ADCY10: variants seen among roughly 807,000 people sequenced by gnomAD.
The protein encoded by ADCY10 is adenylate cyclase 10, also known as adenylate cyclase type 10.
In ADCY10, 156 loss-of-function variants were observed where a neutral mutation model predicts 183.3. That is an observed-to-expected ratio of 0.85 (90% confidence interval 0.75 to 0.97). ADCY10 has a LOEUF of 0.97. Ranked by LOEUF, ADCY10 falls within the 50% of genes least tolerant of loss-of-function variation. The pLI is 0.00. For missense variants in ADCY10, 1,745 were observed against 1,934.3 expected (o/e 0.90, Z 1.84); for synonymous variants, 645 against 670.0 (o/e 0.96, Z 0.58).
intron 7 of ADCY10, among the ~76,000 whole-genome samples, chr1:167,895,000 TG>T (rs1395110125): frequency 6.6e-6 from 1 of 151,962 alleles, no homozygotes; most frequent in African/African-American, 2.4e-5. Flanking sequence ...CTGGCCAACA[TG>T]GGAAACCCTG....
intron 31 of ADCY10, among the ~76,000 whole-genome samples, chr1:167,815,493 G>T (rs1662478939): frequency 6.6e-6 from 1 of 152,138 alleles, no homozygotes. Context: ...GAAGTTCTTA[G>T]TCCAGAGGAA....
At chr1:167,903,821 T>C (rs1162193090) in intron 3 of ADCY10, 66 bp downstream of exon 3, 7 of 1,199,830 alleles carry the variant, frequency 5.8e-6, no homozygotes, top group African/African-American at 3.0e-5. Context: ...CAGGTTATAA[T>C]TGACAACTAC....
chr1:167,864,840 A>T (rs1354071321), intron 14 of ADCY10, among the ~76,000 whole-genome samples: 1 of 151,102 alleles, frequency 6.6e-6, no homozygotes, highest in East Asian at 1.9e-4. Flanking sequence ...TAACCCAGTA[A>T]CCCACGGATG....
At chr1:167,913,525 G>T (rs140335172) in intron 1 of ADCY10, among the ~76,000 whole-genome samples, 507 of 152,242 alleles carry the variant, frequency 3.3e-3, no homozygotes, top group Non-Finnish European at 5.6e-3. Context: ...ACACTTAAGT[G>T]GCTTATTTCC....
Position 167,901,649 on chromosome 1 carries a change from C to T in ADCY10, c.436+13G>A, listed in dbSNP as rs902621115. 1.9e-6 allele frequency: 3 copies of T among 1,613,796 alleles called. No homozygotes were observed. In the African/African-American group the frequency reaches 4.0e-5, roughly 22 times the overall value. ...CCAGCTGCCGTAGGATTTATTCCTT[C>T]TCAAATGCTTACCTATCTTGACTCG... On this transcript the variant is annotated intron_variant, in intron 5 of 32. Transcript: ENST00000367851.
chr1:167,883,070 C>T (rs140086667), intron 9 of ADCY10, among the ~76,000 whole-genome samples: 22 of 152,370 alleles, frequency 1.4e-4, no homozygotes, highest in Admixed American at 4.6e-4. Context: ...CGGAGTCTCA[C>T]GCTATAGCCC....
intron 3 of ADCY10, among the ~76,000 whole-genome samples, chr1:167,902,530 T>C (rs1466579344): frequency 6.6e-6 from 1 of 152,250 alleles, no homozygotes; most frequent in African/African-American, 2.4e-5. Flanking sequence ...ATTTTGTTTA[T>C]TTAGACGGTA....
chr1:167,824,314 CTCTG>C (rs1663116930), intron 28 of ADCY10, among the ~76,000 whole-genome samples, 158 bp downstream of exon 28: 1 of 152,142 alleles, frequency 6.6e-6, no homozygotes, highest in Non-Finnish European at 1.5e-5. Flanking sequence ...CAGAGCAAGA[CTCTG>C]TCTGAAAAAA....
chr1:167,899,613 T>C lies in ADCY10; in HGVS notation c.452A>G (p.His151Arg), dbSNP rs1669251961. The change falls in exon 6 of 33, where the codon CAC becomes CGC. Residue 151 changes from histidine (H) to arginine (R), a missense_variant. Coordinates refer to ENST00000367851, the MANE Select transcript of ADCY10 (RefSeq NM_018417.6). ...ATCTCCAAAGACCAACATGCTGATG[T>C]GGCCAGCAGCCAGTCCTGGCAAGAA... ...IRVKIGLAAG[H>R]ISMLVFGDET... 7 of 1,613,948 alleles carry C rather than the reference T, an allele frequency of 4.3e-6. No individual in the cohort carries two copies. The highest frequency in any genetic ancestry group is 3.4e-6 in the Non-Finnish European group (4 of 1,180,034).
intron 13 of ADCY10, among the ~76,000 whole-genome samples, chr1:167,870,774 A>G (rs1357218863): frequency 6.7e-6 from 1 of 149,948 alleles, no homozygotes; most frequent in Non-Finnish European, 1.5e-5. Flanking sequence ...CTGCCATTGC[A>G]CTCCAGCCTG....
At chr1:167,847,106 T>A (rs1002301767) in intron 19 of ADCY10, among the ~76,000 whole-genome samples, 1 of 151,962 alleles carries the variant, frequency 6.6e-6, no homozygotes, top group African/African-American at 2.4e-5. Flanking sequence ...TTTGTGTTTG[T>A]AGGAGAGATG....
chr1:167,854,221 T>A, intron 18 of ADCY10, 132 bp downstream of exon 18: 3 of 1,118,586 alleles, frequency 2.7e-6, no homozygotes, highest in Non-Finnish European at 2.7e-6. Flanking sequence ...GATCCAATAA[T>A]TCCTGGCTCC....
rs1202793257 is a variant in ADCY10, at chr1:167,836,327, G to A, written c.3291C>T (p.Ile1097=). 1.2e-6 allele frequency: 2 copies of A among 1,611,538 alleles called. No homozygotes were observed. The highest frequency in any genetic ancestry group is 1.7e-4 in the Middle Eastern group (1 of 6,058). Residue 1097 remains isoleucine, a synonymous_variant, in exon 23 of 33, where the codon ATC becomes ATT. Transcript: ENST00000367851. ...AGCTTACCATGTAGTTATCACAAAAGATGAGATAAGCAGATGCAATTTCTA... is the reference window on the plus strand; with the variant it reads ...AGCTTACCATGTAGTTATCACAAAAAATGAGATAAGCAGATGCAATTTCTA... ...YFLEIASAYL[I]FCDNYMAYMY... is the part of the protein sequence containing the mutation.
intron 6 of ADCY10, among the ~76,000 whole-genome samples, chr1:167,897,042 T>A (rs1451872617): frequency 6.6e-6 from 1 of 152,046 alleles, no homozygotes; most frequent in Non-Finnish European, 1.5e-5. Context: ...TTCTTCCTTA[T>A]AAGTGTTAAA....
At chr1:167,861,795 G>A (rs565574179) in intron 14 of ADCY10, among the ~76,000 whole-genome samples, 7 of 152,200 alleles carry the variant, frequency 4.6e-5, no homozygotes, top group Admixed American at 1.3e-4. Context: ...TGCAACCCCC[G>A]AGTGTCAGGG....
intron 1 of ADCY10, among the ~76,000 whole-genome samples, chr1:167,912,442 T>A (rs1221716640): frequency 6.6e-6 from 1 of 152,224 alleles, no homozygotes; most frequent in Non-Finnish European, 1.5e-5. Flanking sequence ...TAGAACATCA[T>A]GGCACCCTGC....
intron 30 of ADCY10, chr1:167,820,060 T>C (rs1044070634): frequency 6.4e-7 from 1 of 1,573,790 alleles, no homozygotes; most frequent in Non-Finnish European, 8.7e-7. Flanking sequence ...GCCTCTTTCG[T>C]TACTCATCCT....
chr1:167,840,119 C>A (rs1442701893), intron 21 of ADCY10, among the ~76,000 whole-genome samples: 1 of 151,562 alleles, frequency 6.6e-6, no homozygotes, highest in Non-Finnish European at 1.5e-5. Context: ...GTAGTCCCAC[C>A]TACTTGGGAG....
Position 167,903,911 on chromosome 1 carries a change from A to G in ADCY10, c.229T>C (p.Tyr77His), listed in dbSNP as rs148603197. ...GAEQLVEILN[Y>H]HISAIVEKVL... ...CTCTCCACTATTGCACTTATGTGGT[A>G]GTTGAGGATCTCCACCAACTGCTCA... The change falls in exon 3 of 33, where the codon TAC becomes CAC. Residue 77 changes from tyrosine (Y) to histidine (H), a missense_variant. Coordinates refer to ENST00000367851, the MANE Select transcript of ADCY10 (RefSeq NM_018417.6). The G allele has an allele frequency of 4.3e-5, 69 of 1,613,008 alleles. No homozygotes were observed. Among genetic ancestry groups the G allele is most frequent in the Non-Finnish European group, 5.8e-5 (68 of 1,179,148 alleles).
Sources: gnomAD v4.1 joint callset for allele counts (sites outside exome capture counted in the v4.1 genomes callset) on GRCh38, gnomAD v4.1.1 for gene constraint, MANE v1.5 for transcripts, NCBI Gene and HGNC (gene_info 2026-07-23, HGNC 2026-07-21) for gene names.